The following XKR4 variants were observed in gnomAD, a reference collection of about 807,000 sequenced individuals.
The protein encoded by XKR4 is XK related 4.
XKR4 carries 12 observed loss-of-function variants against 53.9 expected under a neutral mutation model. The ratio of observed to expected loss-of-function variants is 0.22; its 90% CI spans 0.14 to 0.36. The LOEUF is 0.36. XKR4 is among the 10% of genes least tolerant of loss of function. The pLI is 1.00. For synonymous variants in XKR4, 354 were observed against 362.4 expected (o/e 0.98, Z 0.26); for missense variants, 799 against 859.5 (o/e 0.93, Z 0.88).
chr8:55,264,461 A>T (rs900629837), intron 1 of XKR4, among the ~76,000 whole-genome samples: 37 of 152,220 alleles, frequency 2.4e-4, no homozygotes, highest in African/African-American at 8.9e-4. Flanking sequence ...AAATAGATGA[A>T]CAAGCTGTCC....
intron 1 of XKR4, among the ~76,000 whole-genome samples, chr8:55,320,845 C>T (rs1803198563): frequency 6.6e-6 from 1 of 152,072 alleles, no homozygotes; most frequent in African/African-American, 2.4e-5. Context: ...CGACAGAAGG[C>T]TTCTGTCGTA....
chr8:55,467,439 A>C (rs1249765280), intron 2 of XKR4, among the ~76,000 whole-genome samples: 1 of 152,096 alleles, frequency 6.6e-6, no homozygotes, highest in African/African-American at 2.4e-5. Context: ...TCATATCCAC[A>C]GTCTCTCCCT....
intron 1 of XKR4, among the ~76,000 whole-genome samples, chr8:55,118,835 G>A (rs1418062372): frequency 6.6e-6 from 1 of 151,840 alleles, no homozygotes; most frequent in East Asian, 1.9e-4. Flanking sequence ...TTTTTTTGGA[G>A]AGACTAGGTG....
chr8:55,145,521 G>A (rs1005662910), intron 1 of XKR4, among the ~76,000 whole-genome samples: 4 of 151,990 alleles, frequency 2.6e-5, no homozygotes, highest in African/African-American at 9.7e-5. Flanking sequence ...GGCATAATTT[G>A]GGGCACTGGA....
At chr8:55,502,595 T>C (rs1408799801) in intron 2 of XKR4, among the ~76,000 whole-genome samples, 1 of 136,556 alleles carries the variant, frequency 7.3e-6, no homozygotes, top group African/African-American at 3.2e-5. Context: ...GGGGAGGTTG[T>C]TATTGAGTTA....
chr8:55,360,977 T>C (rs1803895102), intron 2 of XKR4, among the ~76,000 whole-genome samples: 1 of 152,164 alleles, frequency 6.6e-6, no homozygotes, highest in African/African-American at 2.4e-5. Flanking sequence ...TTGGCATCTG[T>C]TCAGAGAGCA....
At chr8:55,181,286 A>T (rs1817307139) in intron 1 of XKR4, among the ~76,000 whole-genome samples, 1 of 151,990 alleles carries the variant, frequency 6.6e-6, no homozygotes, top group Non-Finnish European at 1.5e-5. Context: ...TCTCATTCTG[A>T]CCCTAACAAC....
chr8:55,236,091 C>T (rs1304245750), intron 1 of XKR4, among the ~76,000 whole-genome samples: 2 of 152,272 alleles, frequency 1.3e-5, no homozygotes, highest in Admixed American at 6.5e-5. Context: ...GTAACATGTT[C>T]CCAGCCTACA....
intron 1 of XKR4, among the ~76,000 whole-genome samples, chr8:55,107,519 C>G (rs1425949486): frequency 6.6e-6 from 1 of 152,174 alleles, no homozygotes; most frequent in East Asian, 1.9e-4. Context: ...GAGACTTGAG[C>G]TTAGCTCTTT....
chr8:55,342,340 C>A (rs939004003), intron 1 of XKR4, among the ~76,000 whole-genome samples: 1 of 152,172 alleles, frequency 6.6e-6, no homozygotes, highest in African/African-American at 2.4e-5. Context: ...TCATCACTTG[C>A]CAGGTTATTG....
At chr8:55,335,780 G>T (rs1425112925) in intron 1 of XKR4, among the ~76,000 whole-genome samples, 1 of 152,078 alleles carries the variant, frequency 6.6e-6, no homozygotes, top group Non-Finnish European at 1.5e-5. Flanking sequence ...AGCTTGGGTA[G>T]ATCTCAAAGA....
At chr8:55,265,632 T>C (rs1170469866) in intron 1 of XKR4, among the ~76,000 whole-genome samples, 2 of 152,080 alleles carry the variant, frequency 1.3e-5, no homozygotes, top group Non-Finnish European at 2.9e-5. Context: ...GGCAGGAGGA[T>C]TGCTTGAGCC....
intron 2 of XKR4, among the ~76,000 whole-genome samples, chr8:55,504,191 T>TGTTTC (rs1806488309): frequency 2.2e-5 from 2 of 89,396 alleles, no homozygotes; most frequent in South Asian, 7.6e-4. Flanking sequence ...TTGTTGTTTT[T>TGTTTC]GTTTTGTTTT....
intron 1 of XKR4, among the ~76,000 whole-genome samples, chr8:55,329,602 G>A (rs1309151377): frequency 6.6e-6 from 1 of 152,160 alleles, no homozygotes; most frequent in Non-Finnish European, 1.5e-5. Context: ...TTAGTAATTA[G>A]AGATTCTAAA....
chr8:55,299,233 G>C (rs1442755087), intron 1 of XKR4, among the ~76,000 whole-genome samples: 1 of 152,170 alleles, frequency 6.6e-6, no homozygotes, highest in Non-Finnish European at 1.5e-5. Flanking sequence ...TAATAAGTAG[G>C]TGATAATAAG....
At chr8:55,219,262 T>A (rs982087700) in intron 1 of XKR4, among the ~76,000 whole-genome samples, 2 of 151,622 alleles carry the variant, frequency 1.3e-5, no homozygotes, top group African/African-American at 4.9e-5. Context: ...TTCATGGACC[T>A]GCGATGGATC....
chr8:55,367,130 C>T (rs1804000477), intron 2 of XKR4, among the ~76,000 whole-genome samples: 1 of 152,000 alleles, frequency 6.6e-6, no homozygotes, highest in African/African-American at 2.4e-5. Flanking sequence ...CCTGCTCTTA[C>T]CCCCTCCTTC....
At chr8:55,289,591 GAGAAAGAAAGAAAGAAAGAAAGAA>G (rs747365935) in intron 1 of XKR4, among the ~76,000 whole-genome samples, 2 of 67,380 alleles carry the variant, frequency 3.0e-5, no homozygotes, top group African/African-American at 6.2e-5. Flanking sequence ...AAGAAAGAAA[GAGAAAGAAAGAAAGAAAGAAAGAA>G]AGAAAGAAAG....
At chr8:55,407,302 G>T (rs893836609) in intron 2 of XKR4, among the ~76,000 whole-genome samples, 3 of 152,208 alleles carry the variant, frequency 2.0e-5, no homozygotes, top group Non-Finnish European at 4.4e-5. Flanking sequence ...GTGAAGCGGG[G>T]CTTTCGCACT....
Sources: allele counts gnomAD v4.1 joint callset (sites outside exome capture counted in the v4.1 genomes callset), GRCh38; gene constraint gnomAD v4.1.1; transcripts MANE v1.5; gene names NCBI Gene and HGNC (gene_info 2026-07-23, HGNC 2026-07-21).